The following VAV3 variants were observed in gnomAD, a reference collection of about 807,000 sequenced individuals.
VAV3 encodes the protein guanine nucleotide exchange factor VAV3.
Under a neutral mutation model 131.2 loss-of-function variants are expected in VAV3, and 94 were observed. The observed-to-expected ratio is 0.72, with a 90% CI of 0.61 to 0.85. VAV3 has a LOEUF of 0.85. Ranked by LOEUF, VAV3 falls within the 40% of genes least tolerant of loss-of-function variation. The pLI is 0.00. For missense variants in VAV3, 939 were observed against 1,002.7 expected, an observed-to-expected ratio of 0.94 and a Z score of 0.86; for synonymous variants, 349 against 342.0, an observed-to-expected ratio of 1.02 and a Z score of -0.22.
At chr1:107,858,615 A>T (rs11578794) in intron 2 of VAV3, among the ~76,000 whole-genome samples, 97,179 of 151,874 alleles carry the variant, frequency 0.64, 31,964 homozygotes, top group Non-Finnish European at 0.72. Context: ...AAGCGAGGGA[A>T]CTAGGTTGTG....
intron 2 of VAV3, among the ~76,000 whole-genome samples, chr1:107,806,025 C>A (rs989298827): frequency 6.6e-6 from 1 of 152,124 alleles, no homozygotes; most frequent in African/African-American, 2.4e-5. Flanking sequence ...TAGCATGGTA[C>A]TGAAAAGCCA....
intron 25 of VAV3, among the ~76,000 whole-genome samples, chr1:107,575,929 C>T (rs1355413524): frequency 6.6e-6 from 1 of 152,156 alleles, no homozygotes; most frequent in Non-Finnish European, 1.5e-5. Flanking sequence ...AACCGAAGAA[C>T]TGCAGAATTC....
intron 2 of VAV3, chr1:107,820,748 A>G (rs1039709540): frequency 1.3e-5 from 2 of 152,174 alleles, no homozygotes; most frequent in African/African-American, 2.4e-5. Context: ...TGTACCAACT[A>G]TGTACTCATA....
chr1:107,870,347 T>TTTCTTAATTATGGCC (rs1670197077), intron 2 of VAV3, among the ~76,000 whole-genome samples: 1 of 152,208 alleles, frequency 6.6e-6, no homozygotes, highest in East Asian at 1.9e-4. Flanking sequence ...AGTAAGGTGG[T>TTTCTTAATTATGGCC]ATTCCATTGT....
intron 2 of VAV3, among the ~76,000 whole-genome samples, chr1:107,781,721 T>C (rs1665702172): frequency 6.6e-6 from 1 of 152,098 alleles, no homozygotes; most frequent in Non-Finnish European, 1.5e-5. Flanking sequence ...GAAAATACAA[T>C]TGAAACCCTT....
chr1:107,738,781 G>A (rs1326993776), intron 15 of VAV3, among the ~76,000 whole-genome samples: 1 of 152,110 alleles, frequency 6.6e-6, no homozygotes, highest in African/African-American at 2.4e-5. Flanking sequence ...CACTGCAGTG[G>A]AGACTTTGTC....
intron 1 of VAV3, among the ~76,000 whole-genome samples, chr1:107,957,071 G>A (rs1010776952): frequency 3.9e-5 from 6 of 152,254 alleles, no homozygotes; most frequent in African/African-American, 1.2e-4. Context: ...ATGAAACTGA[G>A]AAGAGAGAGG....
chr1:107,602,476 T>C lies in VAV3; in HGVS notation c.2141A>G (p.Asn714Ser). Residue 714 changes from asparagine (N) to serine (S), a missense_variant, in exon 24 of 27, where the codon AAT becomes AGT. Transcript: ENST00000370056. ...TAAAATCTTGATGTGCTTTGCTTCA[T>C]TATTGTACCTGTGGGCAATGAATAA... Reference protein sequence around the residue: ...GEYAISIKYNNEAKHIKILTR... With the variant: ...GEYAISIKYNSEAKHIKILTR... 3.2e-6 allele frequency: 5 copies of C among 1,570,390 alleles called. No homozygotes were observed. The highest frequency in any genetic ancestry group is 4.3e-6 in the Non-Finnish European group (5 of 1,166,876).
chr1:107,653,804 C>T (rs1656347211), intron 19 of VAV3, among the ~76,000 whole-genome samples: 1 of 151,964 alleles, frequency 6.6e-6, no homozygotes, highest in Non-Finnish European at 1.5e-5. Flanking sequence ...TTCCCTTTCC[C>T]TGGGGCCAAG....
At chr1:107,827,979 T>C (rs1668086536) in intron 2 of VAV3, among the ~76,000 whole-genome samples, 1 of 152,184 alleles carries the variant, frequency 6.6e-6, no homozygotes, top group South Asian at 2.1e-4. Flanking sequence ...ACAGATGATC[T>C]GGGACATGGG....
chr1:107,912,705 C>T (rs947242971), intron 1 of VAV3, among the ~76,000 whole-genome samples: 1 of 152,184 alleles, frequency 6.6e-6, no homozygotes, highest in African/African-American at 2.4e-5. Context: ...ACTAGCTCCT[C>T]CAGGTCAGGG....
At position 107,848,209 on chromosome 1, in the gene VAV3, A is replaced by T. The variant is rs561506306; in HGVS notation, c.321+26692T>A. 3.3e-5 allele frequency among the ~76,000 whole-genome samples: 5 copies of T among 151,274 alleles called. No individual in the cohort carries two copies. The South Asian group carries it at 1.0e-3, about 32-fold the overall frequency. Reference sequence around the variant, plus strand: ...GTGCCTGTAGTCCCAGCTAATTGGGAGGCTTAGGCAGGAGAATGGCGTGAA... The same window carrying T: ...GTGCCTGTAGTCCCAGCTAATTGGGTGGCTTAGGCAGGAGAATGGCGTGAA... On this transcript the variant is annotated intron_variant, in intron 2 of 26. Coordinates refer to ENST00000370056, the MANE Select transcript of VAV3 (RefSeq NM_006113.5).
chr1:107,821,273 C>G lies in VAV3; in HGVS notation c.322-41781G>C, dbSNP rs532862792. On this transcript the variant is annotated intron_variant, in intron 2 of 26. Transcript: ENST00000370056. ...GCAAATAAGTGTTGATTGTTCAGAA[C>G]TATGATAGACATTAAAATACAAAAA... Among the ~76,000 whole-genome samples the G allele has an allele frequency of 5.3e-5, 8 of 152,214 alleles. No homozygotes were observed. The East Asian group carries it at 1.5e-3, about 29-fold the overall frequency.
intron 2 of VAV3, among the ~76,000 whole-genome samples, chr1:107,854,355 C>CCGACA (rs569117678): frequency 1.5e-3 from 226 of 152,124 alleles, no homozygotes; most frequent in Non-Finnish European, 1.6e-3. Flanking sequence ...CAGACATAAG[C>CCGACA]CGACACCACC....
intron 2 of VAV3, among the ~76,000 whole-genome samples, chr1:107,873,495 C>T (rs345316): frequency 0.86 from 131,291 of 152,122 alleles, 56,970 homozygotes; most frequent in African/African-American, 0.95. Flanking sequence ...GCAGGAGGAA[C>T]AGGCGGAAGG....
rs144869440 is a variant in VAV3, at chr1:107,604,042, G to A, written c.2016-879C>T. ...CTCCATAATAACTGTAATAATAAAA[G>A]GCCAAAATTCAATCTTAAAATAATC... On this transcript the variant is annotated intron_variant, in intron 22 of 26. Coordinates refer to ENST00000370056, the MANE Select transcript of VAV3 (RefSeq NM_006113.5). 3.2e-3 allele frequency among the ~76,000 whole-genome samples: 470 copies of A among 145,906 alleles called. 3 individuals are homozygous for A. The highest frequency in any genetic ancestry group is 0.01 in the African/African-American group (421 of 40,178).
chr1:107,721,498 G>A (rs1661497276), intron 15 of VAV3, among the ~76,000 whole-genome samples: 1 of 152,126 alleles, frequency 6.6e-6, no homozygotes, highest in South Asian at 2.1e-4. Flanking sequence ...AGGCATAAGG[G>A]CCACAAGGCT....
At chr1:107,686,506 G>A (rs577877802) in intron 18 of VAV3, among the ~76,000 whole-genome samples, 6 of 152,272 alleles carry the variant, frequency 3.9e-5, no homozygotes, top group African/African-American at 1.4e-4. Context: ...CTGCCTTGGA[G>A]AGTGAACACA....
At chr1:107,690,685 G>A (rs941272325) in intron 17 of VAV3, among the ~76,000 whole-genome samples, 3 of 152,146 alleles carry the variant, frequency 2.0e-5, no homozygotes, top group African/African-American at 7.2e-5. Flanking sequence ...TTTAAGAAAT[G>A]CTCTACACAA....
Sources: allele counts gnomAD v4.1 joint callset (sites outside exome capture counted in the v4.1 genomes callset), GRCh38; gene constraint gnomAD v4.1.1; transcripts MANE v1.5; gene names NCBI Gene and HGNC (gene_info 2026-07-23, HGNC 2026-07-21).